EYS: variants seen among roughly 807,000 people sequenced by gnomAD.
EYS encodes the protein EGF-like photoreceptor maintenance factor.
A neutral mutation model predicts 282.1 loss-of-function variants in EYS; 250 were observed. That is an observed-to-expected ratio of 0.89 (90% confidence interval 0.80 to 0.98). EYS has a LOEUF of 0.98. Ranked by LOEUF, EYS falls within the 50% of genes least tolerant of loss-of-function variation. EYS has a pLI of 0.00. For missense variants in EYS, 4,016 were observed against 3,709.0 expected, an observed-to-expected ratio of 1.08 and a Z score of -2.15; for synonymous variants, 1,355 against 1,282.9, an observed-to-expected ratio of 1.06 and a Z score of -1.20.
chr6:64,875,075 T>A (rs1170646647), intron 19 of EYS, among the ~76,000 whole-genome samples: 1 of 152,046 alleles, frequency 6.6e-6, no homozygotes, highest in Non-Finnish European at 1.5e-5. Context: ...CAAGGCCTGC[T>A]TTCTAGAAAT....
At chr6:64,826,648 T>C (rs951212426) in intron 19 of EYS, among the ~76,000 whole-genome samples, 1 of 147,914 alleles carries the variant, frequency 6.8e-6, no homozygotes, top group African/African-American at 2.5e-5. Flanking sequence ...ATAGAAATTA[T>C]ATATATTCCT....
chr6:65,464,411 T>G (rs1457885522), intron 5 of EYS, among the ~76,000 whole-genome samples: 1 of 152,184 alleles, frequency 6.6e-6, no homozygotes, highest in Admixed American at 6.6e-5. Context: ...TTGTAGTGCA[T>G]GATAAGATAT....
intron 22 of EYS, among the ~76,000 whole-genome samples, chr6:64,634,710 C>T (rs1429056871): frequency 6.6e-6 from 1 of 152,048 alleles, no homozygotes; most frequent in African/African-American, 2.4e-5. Flanking sequence ...TTTCATATGT[C>T]AAAAAACATC....
chr6:65,671,950 A>C (rs1768403451), intron 1 of EYS, among the ~76,000 whole-genome samples: 1 of 152,130 alleles, frequency 6.6e-6, no homozygotes. Flanking sequence ...ACCAGTGGAA[A>C]CAGAGGCAGC....
Position 64,263,194 on chromosome 6 carries a change from TCTC to T in EYS, c.6192-32373_6192-32371del, listed in dbSNP as rs575076223. On this transcript the variant is annotated intron_variant, in intron 30 of 42. Coordinates refer to ENST00000503581, the MANE Select transcript of EYS (RefSeq NM_001142800.2). ...GCTCAATAAATGTTAACTGTTATAA[TCTC>T]CTCACTGTCATCTCTCTTATTTCTT... Among the ~76,000 whole-genome samples the T allele has an allele frequency of 9.6e-4, 146 of 152,152 alleles. No homozygotes were observed. The Middle Eastern group carries it at 0.014, about 14-fold the overall frequency.
intron 32 of EYS, among the ~76,000 whole-genome samples, chr6:64,072,261 A>T (rs1030444438): frequency 2.0e-5 from 3 of 151,900 alleles, no homozygotes; most frequent in African/African-American, 7.3e-5. Context: ...CACTTAACCC[A>T]TCTGGGTTTA....
At chr6:64,156,558 T>C (rs567976448) in intron 31 of EYS, among the ~76,000 whole-genome samples, 2 of 152,196 alleles carry the variant, frequency 1.3e-5, no homozygotes, top group South Asian at 2.1e-4. Context: ...CAGAAGAAGA[T>C]AGGAAAATGT....
At chr6:64,794,571 T>A (rs745534192) in intron 22 of EYS, among the ~76,000 whole-genome samples, 1 of 152,210 alleles carries the variant, frequency 6.6e-6, no homozygotes, top group Non-Finnish European at 1.5e-5. Context: ...AGCAGAAGCC[T>A]GACCAGAGCC....
At chr6:64,967,510 G>T (rs939482118) in intron 14 of EYS, among the ~76,000 whole-genome samples, 2 of 151,990 alleles carry the variant, frequency 1.3e-5, no homozygotes, top group Admixed American at 1.3e-4. Context: ...TAGAGATGGG[G>T]TTTCGCCATG....
chr6:65,070,426 C>T (rs1312317037), intron 12 of EYS, among the ~76,000 whole-genome samples: 1 of 151,912 alleles, frequency 6.6e-6, no homozygotes, highest in Non-Finnish European at 1.5e-5. Flanking sequence ...ACTTAGCAGT[C>T]ACTCACATGC....
At chr6:64,415,535 A>G (rs1774032832) in intron 28 of EYS, among the ~76,000 whole-genome samples, 2 of 152,312 alleles carry the variant, frequency 1.3e-5, no homozygotes, top group African/African-American at 2.4e-5. Flanking sequence ...CTCTGCCTGT[A>G]TCACATTGCT....
chr6:64,853,795 C>T (rs1445407354), intron 19 of EYS, among the ~76,000 whole-genome samples: 2 of 151,992 alleles, frequency 1.3e-5, no homozygotes, highest in African/African-American at 4.8e-5. Context: ...AGCAAAAGAA[C>T]ATCAGAGTGA....
chr6:64,802,337 C>T (rs192576218), intron 22 of EYS, among the ~76,000 whole-genome samples: 1 of 152,058 alleles, frequency 6.6e-6, no homozygotes, highest in Admixed American at 6.5e-5. Flanking sequence ...CAGGAGTGAG[C>T]CACCACGTCC....
intron 5 of EYS, among the ~76,000 whole-genome samples, chr6:65,458,874 A>G (rs1352259071): frequency 6.6e-6 from 1 of 152,100 alleles, no homozygotes; most frequent in African/African-American, 2.4e-5. Flanking sequence ...ATAAAACATC[A>G]TTGCAGGTAC....
At chr6:63,877,292 T>A (rs1308507259) in intron 35 of EYS, among the ~76,000 whole-genome samples, 3 of 152,256 alleles carry the variant, frequency 2.0e-5, no homozygotes, top group African/African-American at 4.8e-5. Context: ...ATGTTGAATA[T>A]TGGCCCCCAC....
At chr6:63,781,706 C>G (rs1270308363) in intron 39 of EYS, among the ~76,000 whole-genome samples, 1 of 152,108 alleles carries the variant, frequency 6.6e-6, no homozygotes, top group African/African-American at 2.4e-5. Flanking sequence ...CAGGGACAAT[C>G]TTACTTCCTC....
At chr6:64,342,580 A>G (rs187218694) in intron 29 of EYS, among the ~76,000 whole-genome samples, 1,658 of 152,116 alleles carry the variant, frequency 0.011, 32 homozygotes, top group African/African-American at 0.038. Flanking sequence ...AAACATGGAA[A>G]GGAACAACCG....
At position 64,590,923 on chromosome 6, in the gene EYS, G is replaced by A. The variant is rs1178838820; in HGVS notation, c.4944C>T (p.Ser1648=). ...CATCCAAATTACTTGATAGGGTAAT[G>A]GATTCTTCCAAGGATGAGGATAAAA... ...RTILSSSLEE[S]ITLSSNLDVN... is the part of the protein sequence containing the mutation. Residue 1648 remains serine (S), a synonymous_variant, in exon 26 of 43, where the codon TCC becomes TCT. Coordinates refer to ENST00000503581, the MANE Select transcript of EYS (RefSeq NM_001142800.2). 1 of 1,550,436 alleles carries A rather than the reference G, an allele frequency of 6.4e-7. No homozygotes were observed. The highest frequency in any genetic ancestry group is 8.7e-7 in the Non-Finnish European group (1 of 1,146,480).
intron 35 of EYS, among the ~76,000 whole-genome samples, chr6:63,971,031 C>A (rs1766545697): frequency 6.6e-6 from 1 of 152,166 alleles, no homozygotes; most frequent in African/African-American, 2.4e-5. Flanking sequence ...TAATGTCCAA[C>A]AGGACCATAA....
Sources: allele counts gnomAD v4.1 joint callset (sites outside exome capture counted in the v4.1 genomes callset), GRCh38; gene constraint gnomAD v4.1.1; transcripts MANE v1.5; gene names NCBI Gene and HGNC (gene_info 2026-07-23, HGNC 2026-07-21).